TBC1D19: variants seen among roughly 807,000 people sequenced by gnomAD.
The protein encoded by TBC1D19 is TBC1 domain family, member 19.
A neutral mutation model predicts 89.0 loss-of-function variants in TBC1D19; 60 were observed. The ratio of observed to expected loss-of-function variants is 0.67; its 90% CI spans 0.55 to 0.84. The LOEUF (loss-of-function observed/expected upper bound fraction) is 0.84, where lower values mean the gene tolerates loss of function less well. Among genes scored for constraint, TBC1D19 ranks in the 40% least tolerant of loss-of-function variants. The pLI is 0.00. For synonymous variants in TBC1D19, 189 were observed against 199.7 expected, an observed-to-expected ratio of 0.95 and a Z score of 0.45; for missense variants, 500 against 610.8, an observed-to-expected ratio of 0.82 and a Z score of 1.91.
At chr4:26,855,504 C>A in the TBC1D19 span, among the ~76,000 whole-genome samples, 796 of 152,264 alleles carry the variant, frequency 5.2e-3, 9 homozygotes, top group African/African-American at 0.018. Context: ...ACAAAAATAC[C>A]GGAGTTCCTC....
the TBC1D19 span, among the ~76,000 whole-genome samples, chr4:26,832,151 G>A: frequency 6.6e-6 from 1 of 152,146 alleles, no homozygotes; most frequent in Non-Finnish European, 1.5e-5. Context: ...CAGGGGATAA[G>A]ACAAAAATAA....
chr4:26,589,317 T>C (rs1428194455), intron 1 of TBC1D19, among the ~76,000 whole-genome samples: 8 of 152,116 alleles, frequency 5.3e-5, no homozygotes, highest in African/African-American at 1.9e-4. Flanking sequence ...AACCCAGTAG[T>C]AGACTGCTGT....
chr4:26,670,604 T>C (rs1310831216), intron 9 of TBC1D19, among the ~76,000 whole-genome samples: 2 of 151,766 alleles, frequency 1.3e-5, no homozygotes, highest in Non-Finnish European at 1.5e-5. Flanking sequence ...CTGGATAGTA[T>C]ACAAATCACG....
At chr4:26,681,025 T>C (rs1004198779) in intron 11 of TBC1D19, among the ~76,000 whole-genome samples, 1 of 152,174 alleles carries the variant, frequency 6.6e-6, no homozygotes, top group African/African-American at 2.4e-5. Context: ...TGACAAATCA[T>C]TGAAATGGAA....
intron 13 of TBC1D19, among the ~76,000 whole-genome samples, chr4:26,707,726 C>T (rs1715849728): frequency 1.3e-5 from 2 of 151,772 alleles, no homozygotes; most frequent in Admixed American, 1.3e-4. Flanking sequence ...CAGCTATTTT[C>T]TTTGTGCTTC....
chr4:26,585,730 T>C (rs1739372737), intron 1 of TBC1D19, among the ~76,000 whole-genome samples: 2 of 152,008 alleles, frequency 1.3e-5, no homozygotes, highest in South Asian at 2.1e-4. Context: ...ATTACAGGCA[T>C]CCACCACCAT....
downstream of TBC1D19, among the ~76,000 whole-genome samples, chr4:26,758,798 A>G (rs572845227): frequency 7.2e-5 from 11 of 152,224 alleles, no homozygotes; most frequent in African/African-American, 2.6e-4. Flanking sequence ...GATGGCAGTT[A>G]TTTTCCTTTT....
intron 8 of TBC1D19, among the ~76,000 whole-genome samples, chr4:26,664,998 G>A (rs1039619544): frequency 6.6e-5 from 10 of 152,068 alleles, no homozygotes; most frequent in South Asian, 4.1e-4. Flanking sequence ...AGGAAAACCC[G>A]AGTGCTGTTG....
the TBC1D19 span, among the ~76,000 whole-genome samples, chr4:26,848,600 AT>A: frequency 1.3e-5 from 2 of 152,232 alleles, no homozygotes; most frequent in Non-Finnish European, 2.9e-5. Context: ...CTACATGGTT[AT>A]TAAAATTTTA....
At chr4:26,841,462 C>T in the TBC1D19 span, among the ~76,000 whole-genome samples, 1 of 151,648 alleles carries the variant, frequency 6.6e-6, no homozygotes, top group Non-Finnish European at 1.5e-5. Flanking sequence ...CCTAGCACAT[C>T]TTGATGCAGA....
intron 17 of TBC1D19, among the ~76,000 whole-genome samples, chr4:26,740,238 A>G (rs564231533): frequency 6.6e-6 from 1 of 152,276 alleles, no homozygotes; most frequent in Admixed American, 6.5e-5. Flanking sequence ...GAATGTCTGT[A>G]TTATTATTCT....
At chr4:26,587,873 G>A (rs1423701974) in intron 1 of TBC1D19, among the ~76,000 whole-genome samples, 57 of 151,782 alleles carry the variant, frequency 3.8e-4, no homozygotes, top group Non-Finnish European at 8.8e-5. Context: ...AGCTTTTGTA[G>A]TTTTTATGTT....
the TBC1D19 span, among the ~76,000 whole-genome samples, chr4:26,771,085 A>G: frequency 1.3e-5 from 2 of 152,128 alleles, no homozygotes; most frequent in Admixed American, 6.5e-5. Context: ...CAACAGACAT[A>G]TGAAAAGACA....
At chr4:26,669,309 G>A (rs1052784110) in intron 9 of TBC1D19, among the ~76,000 whole-genome samples, 2 of 151,796 alleles carry the variant, frequency 1.3e-5, no homozygotes, top group African/African-American at 4.8e-5. Flanking sequence ...GAGAAGGGCT[G>A]TATTGTATAC....
chr4:26,652,392 G>A (rs1177719323), intron 7 of TBC1D19, among the ~76,000 whole-genome samples: 3 of 152,012 alleles, frequency 2.0e-5, no homozygotes, highest in Non-Finnish European at 2.9e-5. Context: ...CAATTTCAGA[G>A]CCTGTTATTT....
the TBC1D19 span, among the ~76,000 whole-genome samples, chr4:26,774,128 C>T: frequency 8.5e-5 from 13 of 152,200 alleles, no homozygotes; most frequent in Non-Finnish European, 1.9e-4. Context: ...GGGCAGGGCT[C>T]CTTTGGCATT....
At chr4:26,641,283 A>G (rs1048181887) in intron 7 of TBC1D19, among the ~76,000 whole-genome samples, 4 of 152,250 alleles carry the variant, frequency 2.6e-5, no homozygotes, top group Admixed American at 2.0e-4. Context: ...CCAGGCAAAC[A>G]GCATCTGGAG....
intron 2 of TBC1D19, 76 bp from the exon 3 acceptor site, chr4:26,614,332 A>C: frequency 9.5e-7 from 1 of 1,050,030 alleles, no homozygotes; most frequent in South Asian, 1.6e-5. Context: ...AGTTTTATTG[A>C]GATAAATTTA....
chr4:26,656,002 C>T (rs1379616360), intron 7 of TBC1D19, among the ~76,000 whole-genome samples: 1 of 152,116 alleles, frequency 6.6e-6, no homozygotes, highest in African/African-American at 2.4e-5. Flanking sequence ...TCCTATTTGG[C>T]CATCTTGGCT....
Sources: allele counts gnomAD v4.1 joint callset (sites outside exome capture counted in the v4.1 genomes callset), GRCh38; gene constraint gnomAD v4.1.1; transcripts MANE v1.5; gene names NCBI Gene and HGNC (gene_info 2026-07-23, HGNC 2026-07-21).